PDZRN4: variants seen among roughly 807,000 people sequenced by gnomAD.
The protein encoded by PDZRN4 is PDZ domain containing ring finger 4.
PDZRN4 carries 70 observed loss-of-function variants against 99.0 expected under a neutral mutation model. The ratio of observed to expected loss-of-function variants is 0.71; its 90% confidence interval spans 0.58 to 0.86. The LOEUF (loss-of-function observed/expected upper bound fraction) is 0.86. Ranked by LOEUF, PDZRN4 falls within the 40% of genes least tolerant of loss-of-function variation. PDZRN4 has a pLI of 0.00. For missense variants in PDZRN4, 1,474 were observed against 1,331.2 expected (o/e 1.11, Z -1.67); for synonymous variants, 551 against 501.6 (o/e 1.10, Z -1.32).
intron 8 of PDZRN4, 102 bp from the exon 9 acceptor site, chr12:41,567,681 T>C (rs368554649): frequency 1.8e-6 from 1 of 543,002 alleles, no homozygotes. Flanking sequence ...AGAGAATCAT[T>C]ATGATAAAAG....
intron 3 of PDZRN4, among the ~76,000 whole-genome samples, chr12:41,446,825 T>C (rs543949040): frequency 6.0e-5 from 9 of 150,026 alleles, no homozygotes; most frequent in African/African-American, 2.2e-4. Flanking sequence ...TTATTCCCAA[T>C]GGCCTAGTTT....
At chr12:41,369,411 G>A (rs1331018601) in intron 3 of PDZRN4, among the ~76,000 whole-genome samples, 1 of 151,948 alleles carries the variant, frequency 6.6e-6, no homozygotes, top group Non-Finnish European at 1.5e-5. Flanking sequence ...CTCTTGTACT[G>A]TTCATTTCAT....
At chr12:41,570,733 C>G (rs992444094) in intron 9 of PDZRN4, among the ~76,000 whole-genome samples, 3 of 152,060 alleles carry the variant, frequency 2.0e-5, no homozygotes, top group African/African-American at 7.2e-5. Context: ...AAAGACATTG[C>G]CATATTAAAT....
chr12:41,460,515 A>G (rs1952861761), intron 3 of PDZRN4, among the ~76,000 whole-genome samples: 1 of 152,224 alleles, frequency 6.6e-6, no homozygotes, highest in Non-Finnish European at 1.5e-5. Context: ...AAATTCCTGT[A>G]CCAATCTTCT....
chr12:41,493,256 G>A (rs1442525159), intron 3 of PDZRN4, among the ~76,000 whole-genome samples: 1 of 152,124 alleles, frequency 6.6e-6, no homozygotes, highest in Non-Finnish European at 1.5e-5. Flanking sequence ...AAAGTAATTT[G>A]TGCAGACATG....
At position 41,572,610 on chromosome 12, in the gene PDZRN4, T is replaced by A. The variant is rs142223499; in HGVS notation, c.1831T>A (p.Tyr611Asn). Residue 611 changes from tyrosine (Y) to asparagine (N), a missense_variant, in exon 10 of 10, where the codon TAC becomes AAC. Coordinates refer to ENST00000402685, the MANE Select transcript of PDZRN4 (RefSeq NM_001164595.2). ...CAATGAGAGCCTCGTATCTGGTGAA[T>A]ACATTGACTCAGACTGCATTGGCAA... is the stretch of plus-strand genomic sequence containing the variant. ...QYNESLVSGE[Y>N]IDSDCIGNPD... The A allele has an allele frequency of 3.7e-6, 6 of 1,614,164 alleles. No individual in the cohort carries two copies. Among genetic ancestry groups the A allele is most frequent in the Non-Finnish European group, 5.1e-6 (6 of 1,180,016 alleles).
chr12:41,424,222 CT>C (rs1565579302), intron 3 of PDZRN4, among the ~76,000 whole-genome samples: 1 of 152,176 alleles, frequency 6.6e-6, no homozygotes. Flanking sequence ...AAAATGCAAA[CT>C]TCCTCTGAGA....
At chr12:41,217,697 C>G (rs983749795) in intron 3 of PDZRN4, among the ~76,000 whole-genome samples, 15 of 152,034 alleles carry the variant, frequency 9.9e-5, no homozygotes, top group Non-Finnish European at 1.5e-4. Flanking sequence ...ACCACAGCCT[C>G]CTCTCCTTCT....
At chr12:41,215,793 T>A (rs1169517442) in intron 3 of PDZRN4, among the ~76,000 whole-genome samples, 1 of 151,866 alleles carries the variant, frequency 6.6e-6, no homozygotes, top group East Asian at 1.9e-4. Context: ...CTAAATTCAG[T>A]GCTTTGAGTC....
At chr12:41,562,608 C>G (rs1320868028) in intron 7 of PDZRN4, among the ~76,000 whole-genome samples, 4 of 151,342 alleles carry the variant, frequency 2.6e-5, no homozygotes, top group African/African-American at 9.7e-5. Flanking sequence ...GTTGAGTAAT[C>G]AATAAAAGAA....
Position 41,572,423 on chromosome 12 carries a change from C to G in PDZRN4, c.1644C>G (p.Asn548Lys). The G allele has an allele frequency of 6.2e-7, 1 of 1,614,100 alleles. No individual in the cohort carries two copies. The highest frequency in any genetic ancestry group is 8.5e-7 in the Non-Finnish European group (1 of 1,179,990). Residue 548 changes from asparagine to lysine, a missense_variant, in exon 10 of 10, where the codon AAC becomes AAG. By Grantham distance (94) the Asn-to-Lys change is moderately conservative (BLOSUM62 0). Transcript: ENST00000402685. ...ACACTGCAACATCCTCATCCAACAACCATGAGAAGGACAGTGGAGTAGGAC... is the reference window on the plus strand; with the variant it reads ...ACACTGCAACATCCTCATCCAACAAGCATGAGAAGGACAGTGGAGTAGGAC... ...TTDTATSSSN[N>K]HEKDSGVGRT...
At chr12:41,385,217 G>A (rs1306980873) in intron 3 of PDZRN4, among the ~76,000 whole-genome samples, 1 of 152,140 alleles carries the variant, frequency 6.6e-6, no homozygotes, top group Non-Finnish European at 1.5e-5. Flanking sequence ...GAAATTCTGG[G>A]GAGGAGTTGC....
intron 3 of PDZRN4, among the ~76,000 whole-genome samples, chr12:41,504,141 C>T (rs551917522): frequency 1.8e-4 from 27 of 152,116 alleles, no homozygotes; most frequent in African/African-American, 5.3e-4. Flanking sequence ...TGGTGGCATG[C>T]GCCTGTTACC....
At chr12:41,427,967 A>G (rs1244025980) in intron 3 of PDZRN4, among the ~76,000 whole-genome samples, 1 of 152,134 alleles carries the variant, frequency 6.6e-6, no homozygotes, top group Non-Finnish European at 1.5e-5. Flanking sequence ...AGGTGCTTGT[A>G]ATCCCAGCTA....
chr12:41,555,738 G>C lies in PDZRN4; in HGVS notation c.1343G>C (p.Arg448Pro). The C allele has an allele frequency of 6.2e-7, 1 of 1,613,980 alleles. No individual in the cohort carries two copies. The highest frequency in any genetic ancestry group is 1.1e-5 in the South Asian group (1 of 91,078). The change falls in exon 7 of 10, where the codon CGA becomes CCA. Residue 448 changes from arginine to proline, a missense_variant. By Grantham distance (103) the Arg-to-Pro change is moderately radical (BLOSUM62 -2). Coordinates refer to ENST00000402685, the MANE Select transcript of PDZRN4 (RefSeq NM_001164595.2). ...ATTGCTGCCAAAGACGGCCGGATTC[G>C]AGAAGGGGATCGGATTTTGCAAGTA... is the stretch of plus-strand genomic sequence containing the variant. ...NSIAAKDGRI[R>P]EGDRILQING...
At chr12:41,314,732 T>G (rs1951627811) in intron 3 of PDZRN4, among the ~76,000 whole-genome samples, 1 of 152,162 alleles carries the variant, frequency 6.6e-6, no homozygotes, top group Non-Finnish European at 1.5e-5. Context: ...TTATTTTTTT[T>G]CTTTCAGTAG....
chr12:41,506,643 T>C lies in PDZRN4; in HGVS notation c.1031T>C (p.Met344Thr), dbSNP rs1307009425. The C allele has an allele frequency of 1.2e-6, 2 of 1,613,780 alleles. No individual in the cohort carries two copies. Among genetic ancestry groups the C allele is most frequent in the Non-Finnish European group, 8.5e-7 (1 of 1,179,854 alleles). The stretch of plus-strand genomic sequence containing the variant: ...ACGGACATCACCTTCGAACACATCA[T>C]GGCTCTGGCCAAGCTTCGTCCACCT... ...TQTDITFEHI[M>T]ALAKLRPPTP... Residue 344 changes from methionine (M) to threonine (T), a missense_variant, in exon 4 of 10, where the codon ATG becomes ACG. By Grantham distance (81) the Met-to-Thr change is moderately conservative. Coordinates refer to ENST00000402685, the MANE Select transcript of PDZRN4 (RefSeq NM_001164595.2).
intron 3 of PDZRN4, among the ~76,000 whole-genome samples, chr12:41,242,401 C>T (rs1566388079): frequency 6.6e-6 from 1 of 152,116 alleles, no homozygotes; most frequent in Non-Finnish European, 1.5e-5. Flanking sequence ...AAATGTATCT[C>T]AATAACTTAG....
At chr12:41,421,154 T>A (rs1346510536) in intron 3 of PDZRN4, among the ~76,000 whole-genome samples, 1 of 152,206 alleles carries the variant, frequency 6.6e-6, no homozygotes, top group Admixed American at 6.5e-5. Context: ...CACACTATTG[T>A]AAAACATCAT....
Sources: allele counts gnomAD v4.1 joint callset (sites outside exome capture counted in the v4.1 genomes callset), GRCh38; gene constraint gnomAD v4.1.1; transcripts MANE v1.5; gene names NCBI Gene and HGNC (gene_info 2026-07-23, HGNC 2026-07-21).